The following ANKRD11 variants were observed in gnomAD, a reference collection of about 807,000 sequenced individuals.
ANKRD11 encodes ankyrin repeat domain 11, also known as ankyrin repeat domain-containing protein 11.
ANKRD11 carries 17 observed loss-of-function variants against 195.7 expected under a neutral mutation model. That is an observed-to-expected ratio of 0.09 (90% CI 0.06 to 0.13). The LOEUF is 0.13. Ranked by LOEUF, ANKRD11 falls within the 10% of genes least tolerant of loss-of-function variation. ANKRD11 has a pLI of 1.00. For synonymous variants in ANKRD11, 1,953 were observed against 1,528.1 expected (o/e 1.28, Z -6.49); for missense variants, 3,735 against 3,566.1 (o/e 1.05, Z -1.21).
rs1190071066 is a variant in ANKRD11 at position 89,300,469 on chromosome 16, C to T, written c.226+4737G>A. 6 of 204,374 alleles carry T rather than the reference C, an allele frequency of 2.9e-5. No individual in the cohort carries two copies. The East Asian group carries it at 8.1e-4, about 28-fold the overall frequency. 12.7% of individuals were successfully genotyped at this position (204,374 alleles called of 1,614,324 possible). On this transcript the variant is annotated intron_variant, in intron 4 of 12. Transcript: ENST00000301030. ...CACCTGCCCCGCCTGCGAGCACAGC[C>T]TGGCCCCTGCTGCACTCTGCTCTCT...
intron 2 of ANKRD11, among the ~76,000 whole-genome samples, chr16:89,411,331 G>A (rs1012980483): frequency 6.6e-6 from 1 of 152,184 alleles, no homozygotes; most frequent in African/African-American, 2.4e-5. Flanking sequence ...ACACAGCGGT[G>A]GGAAACCTTG....
At position 89,281,141 on chromosome 16, in the gene ANKRD11, C is replaced by T. The variant is rs938676909; in HGVS notation, c.5401G>A (p.Glu1801Lys). 2 of 1,613,704 alleles carry T rather than the reference C, an allele frequency of 1.2e-6. No individual in the cohort carries two copies. The highest frequency in any genetic ancestry group is 1.7e-6 in the Non-Finnish European group (2 of 1,179,616). Reference protein sequence around the residue: ...VSVDIRRTPEEEFSVGDKLFR... With the variant: ...VSVDIRRTPEKEFSVGDKLFR... The stretch of plus-strand genomic sequence containing the variant: ...AGCTTGTCTCCGACGCTGAATTCTT[C>T]CTCGGGGGTCCTCCTAATGTCGACA... The change falls in exon 9 of 13, where the codon GAA becomes AAA. Residue 1801 changes from glutamate (E) to lysine (K), a missense_variant. Coordinates refer to ENST00000301030, the MANE Select transcript of ANKRD11 (RefSeq NM_013275.6). The surrounding 1 kb of genome is among the most constrained non-coding windows in gnomAD (Gnocchi z 5.5).
chr16:89,479,801 G>A (rs924732444), intron 1 of ANKRD11, among the ~76,000 whole-genome samples: 1 of 151,768 alleles, frequency 6.6e-6, no homozygotes, highest in African/African-American at 2.4e-5. Context: ...AAATTAGCCG[G>A]GGGTGGTGGC....
At chr16:89,300,271 G>A (rs2035767865) in intron 4 of ANKRD11, 4 of 229,170 alleles carry the variant, frequency 1.7e-5, no homozygotes, top group Admixed American at 5.6e-5. Context: ...TCTGCTACAC[G>A]CTTGGTGAGA....
chr16:89,387,223 C>T (rs945357624), intron 2 of ANKRD11, among the ~76,000 whole-genome samples: 1 of 150,462 alleles, frequency 6.6e-6, no homozygotes, highest in Non-Finnish European at 1.5e-5. Flanking sequence ...ATCTGGAGTG[C>T]CAAGTTAAAA....
intron 1 of ANKRD11, among the ~76,000 whole-genome samples, chr16:89,418,928 C>T (rs951639773): frequency 5.9e-5 from 9 of 152,050 alleles, no homozygotes; most frequent in African/African-American, 2.2e-4. Flanking sequence ...CGCCACCCAC[C>T]CCCGGCTGAT....
At chr16:89,286,863 T>C (rs754880460) in intron 7 of ANKRD11, 6 of 1,288,150 alleles carry the variant, frequency 4.7e-6, no homozygotes, top group African/African-American at 1.5e-5. Context: ...AAATTAAATT[T>C]AATCCCAACT....
rs373615085 is a variant in ANKRD11 at position 89,286,446 on chromosome 16, G to C, written c.745-260C>G. 3.7e-5 allele frequency: 22 copies of C among 600,788 alleles called. No homozygotes were observed. The African/African-American group carries it at 3.9e-4, about 11-fold the overall frequency. The allele number at this position is 600,788 out of a possible 1,614,324, so 37.2% of individuals were successfully genotyped here. On this transcript the variant is annotated intron_variant, in intron 7 of 12. Transcript: ENST00000301030. ...CCCTCCTGTGCTCTCCTTCAGAAGGGCTCTGCCTCCTTTGGATTTTTTTCC... is the reference window on the plus strand; with the variant it reads ...CCCTCCTGTGCTCTCCTTCAGAAGGCCTCTGCCTCCTTTGGATTTTTTTCC...
chr16:89,347,658 T>C (rs1597732626), intron 2 of ANKRD11, among the ~76,000 whole-genome samples: 1 of 151,760 alleles, frequency 6.6e-6, no homozygotes, highest in African/African-American at 2.4e-5. Context: ...AATGTGACTA[T>C]TTTACATTCT....
chr16:89,479,195 G>C (rs1164207108), intron 1 of ANKRD11, among the ~76,000 whole-genome samples: 1 of 151,952 alleles, frequency 6.6e-6, no homozygotes. Flanking sequence ...CTGACGTCAA[G>C]AGAGTGCAAC....
intron 4 of ANKRD11, among the ~76,000 whole-genome samples, chr16:89,303,997 G>A (rs567954720): frequency 2.1e-4 from 32 of 152,190 alleles, no homozygotes; most frequent in Admixed American, 3.3e-4. Flanking sequence ...CCGAGGGCCT[G>A]ACTCAGCACT....
At chr16:89,293,799 A>T (rs2035237744) in intron 4 of ANKRD11, among the ~76,000 whole-genome samples, 1 of 152,030 alleles carries the variant, frequency 6.6e-6, no homozygotes, top group Non-Finnish European at 1.5e-5. Context: ...GTATGTTTAC[A>T]TCCCGAAGTG....
intron 2 of ANKRD11, among the ~76,000 whole-genome samples, chr16:89,381,461 CT>C (rs1207327369): frequency 6.6e-6 from 1 of 151,932 alleles, no homozygotes; most frequent in African/African-American, 2.4e-5. Flanking sequence ...GGAGCAAGAG[CT>C]TTTCACATTG....
chr16:89,286,351 G>A (rs1243820401), intron 7 of ANKRD11, 165 bp from the exon 8 acceptor site: 3 of 1,012,890 alleles, frequency 3.0e-6, no homozygotes, highest in African/African-American at 3.2e-5. Flanking sequence ...TGCCTGGCGA[G>A]GCTCTGGGTG....
chr16:89,426,594 A>G (rs899643384), intron 1 of ANKRD11, among the ~76,000 whole-genome samples: 7 of 152,016 alleles, frequency 4.6e-5, no homozygotes, highest in Admixed American at 1.3e-4. Flanking sequence ...CAATGAAGAC[A>G]TAAGACCAAC....
At chr16:89,470,030 C>A (rs553713231) in intron 1 of ANKRD11, among the ~76,000 whole-genome samples, 1 of 147,968 alleles carries the variant, frequency 6.8e-6, no homozygotes, top group Non-Finnish European at 1.5e-5. Flanking sequence ...CTCAGCCTCT[C>A]GAGTAGCTGG....
chr16:89,356,922 G>C (rs1288921213), intron 2 of ANKRD11, among the ~76,000 whole-genome samples: 1 of 152,242 alleles, frequency 6.6e-6, no homozygotes, highest in Non-Finnish European at 1.5e-5. Flanking sequence ...GGAGTCCCAG[G>C]CATCCTGCTG....
chr16:89,441,182 G>T (rs1429198676), intron 1 of ANKRD11, among the ~76,000 whole-genome samples: 1 of 151,892 alleles, frequency 6.6e-6, no homozygotes, highest in African/African-American at 2.4e-5. Flanking sequence ...ATCGCAGTGA[G>T]CCAGGATCGA....
At chr16:89,481,874 G>A (rs1483195760) in intron 1 of ANKRD11, among the ~76,000 whole-genome samples, 1 of 151,472 alleles carries the variant, frequency 6.6e-6, no homozygotes, top group African/African-American at 2.4e-5. Context: ...TTTCTGCAGT[G>A]ACATTCTACT....
Sources: allele counts gnomAD v4.1 joint callset (sites outside exome capture counted in the v4.1 genomes callset), GRCh38; gene constraint gnomAD v4.1.1; non-coding constraint Gnocchi (gnomAD v3.1); transcripts MANE v1.5; gene names NCBI Gene and HGNC (gene_info 2026-07-23, HGNC 2026-07-21).